HS6ST3: variants seen among roughly 807,000 people sequenced by gnomAD.
HS6ST3 encodes the protein heparan sulfate 6-O-sulfotransferase 3.
A neutral mutation model predicts 36.7 loss-of-function variants in HS6ST3; 12 were observed. The observed-to-expected ratio is 0.33, with a 90% CI of 0.21 to 0.53. The LOEUF (loss-of-function observed/expected upper bound fraction) is 0.53. HS6ST3 is among the 20% of genes least tolerant of loss of function. The pLI is 0.95. For synonymous variants in HS6ST3, 240 were observed against 257.5 expected (o/e 0.93, Z 0.65); for missense variants, 584 against 640.9 (o/e 0.91, Z 0.96).
At chr13:96,647,037 T>G (rs1475035710) in intron 1 of HS6ST3, among the ~76,000 whole-genome samples, 1 of 151,996 alleles carries the variant, frequency 6.6e-6, no homozygotes, top group Non-Finnish European at 1.5e-5. Flanking sequence ...ACTGAACATG[T>G]GTGTTAGATG....
In HS6ST3 at chr13:96,302,065, T is replaced by C. The variant is rs2054886010; in HGVS notation, c.707+210496T>C. On this transcript the variant is annotated intron_variant, in intron 1 of 1. Coordinates refer to ENST00000376705, the MANE Select transcript of HS6ST3 (RefSeq NM_153456.4). ...GTATAAGAAAAAGAACATCACAAGATTGGGTGGCAGTGGGGGTTATATTAA... is the reference window on the plus strand; with the variant it reads ...GTATAAGAAAAAGAACATCACAAGACTGGGTGGCAGTGGGGGTTATATTAA... Among the ~76,000 whole-genome samples, 3 of 151,786 alleles carry C rather than the reference T, an allele frequency of 2.0e-5. No homozygotes were observed. The South Asian group carries it at 6.2e-4, about 32-fold the overall frequency.
intron 1 of HS6ST3, among the ~76,000 whole-genome samples, chr13:96,454,970 T>G (rs1279485713): frequency 6.6e-6 from 1 of 151,926 alleles, no homozygotes; most frequent in Non-Finnish European, 1.5e-5. Flanking sequence ...TGAATTACTG[T>G]GTCTGGGAGG....
intron 1 of HS6ST3, among the ~76,000 whole-genome samples, chr13:96,533,743 T>G (rs1012224290): frequency 2.1e-4 from 32 of 152,182 alleles, no homozygotes; most frequent in African/African-American, 7.5e-4. Context: ...GGCCCCAAAC[T>G]GGAGAGAAGC....
At chr13:96,154,619 T>C (rs2054102006) in intron 1 of HS6ST3, among the ~76,000 whole-genome samples, 1 of 152,056 alleles carries the variant, frequency 6.6e-6, no homozygotes, top group South Asian at 2.1e-4. Context: ...GAAGCTTTAA[T>C]AGATGAACAG....
chr13:96,829,914 A>G (rs1412572384), intron 1 of HS6ST3, among the ~76,000 whole-genome samples: 1 of 152,182 alleles, frequency 6.6e-6, no homozygotes, highest in Admixed American at 6.5e-5. Context: ...TCTTTGAGGA[A>G]TCAGACATCC....
intron 1 of HS6ST3, among the ~76,000 whole-genome samples, chr13:96,583,701 G>T (rs1302151585): frequency 2.0e-5 from 3 of 151,952 alleles, no homozygotes; most frequent in African/African-American, 7.3e-5. Flanking sequence ...TGAACTTGCT[G>T]TGCTCTTTGC....
intron 1 of HS6ST3, among the ~76,000 whole-genome samples, chr13:96,139,685 G>A (rs1314088384): frequency 6.6e-6 from 1 of 151,520 alleles, no homozygotes; most frequent in Non-Finnish European, 1.5e-5. Context: ...CATGAGTTTT[G>A]CATAGGACTA....
intron 1 of HS6ST3, among the ~76,000 whole-genome samples, chr13:96,175,004 T>A (rs909076297): frequency 6.6e-6 from 1 of 152,202 alleles, no homozygotes; most frequent in Non-Finnish European, 1.5e-5. Flanking sequence ...TTTAAAAAAT[T>A]ATGGCTTTTA....
intron 1 of HS6ST3, among the ~76,000 whole-genome samples, chr13:96,715,016 T>G (rs796811345): frequency 2.0e-5 from 3 of 152,132 alleles, no homozygotes; most frequent in African/African-American, 4.8e-5. Flanking sequence ...CCCTAGGATA[T>G]TTATGATTAT....
intron 1 of HS6ST3, among the ~76,000 whole-genome samples, chr13:96,290,734 A>G (rs914474193): frequency 2.0e-5 from 3 of 152,144 alleles, no homozygotes; most frequent in African/African-American, 4.8e-5. Flanking sequence ...TTGGCTCAGA[A>G]CCCACCTATG....
intron 1 of HS6ST3, among the ~76,000 whole-genome samples, chr13:96,697,985 T>G (rs1266618021): frequency 6.6e-6 from 1 of 152,202 alleles, no homozygotes; most frequent in Non-Finnish European, 1.5e-5. Context: ...TTCATATTAT[T>G]CTCTGCTATT....
Position 96,548,360 on chromosome 13 carries a change from C to T in HS6ST3, c.708-284130C>T, listed in dbSNP as rs546952565. Among the ~76,000 whole-genome samples the T allele has an allele frequency of 5.3e-5, 8 of 152,294 alleles. No individual in the cohort carries two copies. In the South Asian group the frequency reaches 1.4e-3, roughly 28 times the overall value. The stretch of plus-strand genomic sequence containing the variant: ...GGAATCAATCCCACAGCACCAATTT[C>T]ACTTTTCCATCTTCTTTCACACCGT... On this transcript the variant is annotated intron_variant, in intron 1 of 1. Transcript: ENST00000376705.
At chr13:96,158,886 C>T (rs1282486469) in intron 1 of HS6ST3, among the ~76,000 whole-genome samples, 1 of 151,854 alleles carries the variant, frequency 6.6e-6, no homozygotes, top group Non-Finnish European at 1.5e-5. Context: ...GTCGGGAGAG[C>T]AAGAGCCAGG....
At chr13:96,257,503 C>CTAA (rs1354979014) in intron 1 of HS6ST3, among the ~76,000 whole-genome samples, 1 of 152,068 alleles carries the variant, frequency 6.6e-6, no homozygotes, top group African/African-American at 2.4e-5. Context: ...CTTGCTTTAC[C>CTAA]CACTTATCAA....
chr13:96,333,428 A>T (rs966201983), intron 1 of HS6ST3, among the ~76,000 whole-genome samples: 3 of 152,188 alleles, frequency 2.0e-5, no homozygotes, highest in Non-Finnish European at 4.4e-5. Context: ...TTGTGGTAAA[A>T]GTCAGGTGCA....
chr13:96,831,386 T>C (rs750985935), intron 1 of HS6ST3, among the ~76,000 whole-genome samples: 26 of 152,284 alleles, frequency 1.7e-4, no homozygotes, highest in Middle Eastern at 3.4e-3. Context: ...GCATGGGAGC[T>C]TTGAAATCAA....
At chr13:96,310,299 TAACTTAAAC>T (rs1274321180) in intron 1 of HS6ST3, among the ~76,000 whole-genome samples, 2 of 152,182 alleles carry the variant, frequency 1.3e-5, no homozygotes, top group Non-Finnish European at 2.9e-5. Flanking sequence ...GACATTAGAA[TAACTTAAAC>T]ATTATTGAAA....
chr13:96,514,043 G>A (rs150891161), intron 1 of HS6ST3, among the ~76,000 whole-genome samples: 11 of 152,164 alleles, frequency 7.2e-5, no homozygotes, highest in South Asian at 6.2e-4. Context: ...TGAGCCTTGC[G>A]GGGCCTCAGT....
chr13:96,234,191 C>G (rs2054522896), intron 1 of HS6ST3, among the ~76,000 whole-genome samples: 1 of 151,266 alleles, frequency 6.6e-6, no homozygotes, highest in East Asian at 1.9e-4. Context: ...AGGCAGATCA[C>G]CTGAGGTCAG....
Sources: gnomAD v4.1 joint callset for allele counts (sites outside exome capture counted in the v4.1 genomes callset) on GRCh38, gnomAD v4.1.1 for gene constraint, MANE v1.5 for transcripts, NCBI Gene and HGNC (gene_info 2026-07-23, HGNC 2026-07-21) for gene names.